LY9: variants seen among roughly 807,000 people sequenced by gnomAD.
The protein encoded by LY9 is T-lymphocyte surface antigen Ly-9.
LY9 carries 59 observed loss-of-function variants against 64.6 expected under a neutral mutation model. The ratio of observed to expected loss-of-function variants is 0.91; its 90% CI spans 0.74 to 1.13. LY9 has a LOEUF of 1.13. Ranked by LOEUF, LY9 falls within the 50% of genes most tolerant of loss-of-function variation. The pLI, the probability that LY9 is intolerant of heterozygous loss-of-function variation, is 0.00. For synonymous variants in LY9, 281 were observed against 308.5 expected (o/e 0.91, Z 0.93); for missense variants, 789 against 797.2 (o/e 0.99, Z 0.12).
At chr1:160,826,368 T>G (rs1668852905) in intron 9 of LY9, among the ~76,000 whole-genome samples, 1 of 152,084 alleles carries the variant, frequency 6.6e-6, no homozygotes, top group African/African-American at 2.4e-5. Context: ...TGATGTTTAT[T>G]GAAAAAAAAT....
intron 2 of LY9, chr1:160,812,770 T>A (rs1165568230): frequency 6.6e-6 from 1 of 152,190 alleles, no homozygotes; most frequent in Non-Finnish European, 1.5e-5. Context: ...TCAATTTTTT[T>A]TAATGTATTA....
chr1:160,814,043 T>C (rs1667738141), intron 3 of LY9, 132 bp downstream of exon 3: 3 of 924,010 alleles, frequency 3.2e-6, no homozygotes, highest in Non-Finnish European at 1.6e-6. Flanking sequence ...AAACCCCTTA[T>C]TCTCTACTCT....
chr1:160,820,392 C>A (rs75821685), intron 7 of LY9, among the ~76,000 whole-genome samples: 1,525 of 152,180 alleles, frequency 0.01, 24 homozygotes, highest in African/African-American at 0.034. Flanking sequence ...CCTGTGCTCA[C>A]TCTAACCAAA....
At chr1:160,825,399 G>T (rs974656315) in intron 9 of LY9, among the ~76,000 whole-genome samples, 4 of 152,144 alleles carry the variant, frequency 2.6e-5, no homozygotes, top group Non-Finnish European at 5.9e-5. Context: ...ATTCAAGGAA[G>T]TTAATTTTGC....
Position 160,816,665 on chromosome 1 carries a change from A to T in LY9, c.1144A>T (p.Thr382Ser). 2.5e-6 allele frequency: 4 copies of T among 1,614,108 alleles called. No homozygotes were observed. The highest frequency in any genetic ancestry group is 2.5e-6 in the Non-Finnish European group (3 of 1,179,992). Residue 382 changes from threonine (T) to serine (S), a missense_variant, in exon 5 of 10, where the codon ACC (threonine) becomes TCC (serine). Coordinates refer to ENST00000263285, the MANE Select transcript of LY9 (RefSeq NM_002348.4). ...GGATGGCATCTGCAGGATCAGCCTG[A>T]CCTGCTCCGTGGAGGACGGGGGAAA... ...SEDGICRISL[T>S]CSVEDGGNTV...
intron 2 of LY9, chr1:160,802,160 ACCGGG>A: frequency 3.9e-6 from 5 of 1,286,022 alleles, no homozygotes; most frequent in Non-Finnish European, 4.9e-6. Context: ...GCCCGCAGGA[ACCGGG>A]CTGGGCCTTG....
At chr1:160,798,199 T>C (rs887510367) in intron 1 of LY9, among the ~76,000 whole-genome samples, 1 of 152,014 alleles carries the variant, frequency 6.6e-6, no homozygotes, top group African/African-American at 2.4e-5. Context: ...GTAAGAAAAT[T>C]TGAAGTCAAA....
chr1:160,815,024 G>T (rs528297643), intron 4 of LY9: 2 of 506,010 alleles, frequency 4.0e-6, no homozygotes, highest in African/African-American at 3.8e-5. Flanking sequence ...TGCTTGCCCC[G>T]GTCCTTCTGC....
chr1:160,817,152 A>T (rs1437882800), intron 5 of LY9, among the ~76,000 whole-genome samples: 2 of 152,248 alleles, frequency 1.3e-5, no homozygotes, highest in African/African-American at 4.8e-5. Flanking sequence ...TTCATTAGAC[A>T]CTACATTTTA....
intron 2 of LY9, chr1:160,811,850 A>C (rs879334458): frequency 2.0e-5 from 3 of 152,042 alleles, no homozygotes; most frequent in Admixed American, 2.0e-4. Context: ...GCTCACCCAA[A>C]TTTTCGTTAA....
At chr1:160,814,002 A>G in intron 3 of LY9, 91 bp downstream of exon 3, 4 of 1,378,602 alleles carry the variant, frequency 2.9e-6, no homozygotes, top group South Asian at 1.4e-5. Flanking sequence ...TCAGACACAC[A>G]GGGGGTGGGG....
In LY9 at chr1:160,824,186, G is replaced by A; in HGVS notation, c.1836G>A (p.Lys612=). The A allele has an allele frequency of 6.2e-7, 1 of 1,614,056 alleles. No homozygotes were observed. Among genetic ancestry groups the A allele is most frequent in the East Asian group, 2.2e-5 (1 of 44,894 alleles). Residue 612 remains lysine, a synonymous_variant, in exon 9 of 10, where the codon AAG becomes AAA. Coordinates refer to ENST00000263285, the MANE Select transcript of LY9 (RefSeq NM_002348.4). ...CTGCTGTTGGTGTGTTACAGGGAAA[G>A]ACCCCAGTTTCTCAGAAGGAAGAGA... is the stretch of plus-strand genomic sequence containing the variant. ...MYAQVFNLQG[K]TPVSQKEESS...
intron 4 of LY9, 75 bp downstream of exon 4, chr1:160,814,836 T>G (rs1374629004): frequency 8.1e-7 from 1 of 1,228,062 alleles, no homozygotes; most frequent in South Asian, 1.4e-5. Context: ...TTCTCCACCT[T>G]CCGCTTCTCC....
intron 1 of LY9, 60 bp downstream of exon 1, chr1:160,796,371 T>G: frequency 6.4e-7 from 1 of 1,551,140 alleles, no homozygotes; most frequent in Non-Finnish European, 8.7e-7. Flanking sequence ...GCCAGTTGCA[T>G]TCCCTGCCTG....
chr1:160,816,663 T>G lies in LY9; in HGVS notation c.1142T>G (p.Leu381Arg), dbSNP rs765976039. 8.1e-6 allele frequency: 13 copies of G among 1,614,128 alleles called. No homozygotes were observed. The highest frequency in any genetic ancestry group is 1.0e-5 in the Non-Finnish European group (12 of 1,179,982). ...HSEDGICRIS[L>R]TCSVEDGGNT... ...GAGGATGGCATCTGCAGGATCAGCC[T>G]GACCTGCTCCGTGGAGGACGGGGGA... Residue 381 changes from leucine (L) to arginine (R), a missense_variant, in exon 5 of 10, where the codon CTG becomes CGG. Leu to Arg is a moderately radical substitution (Grantham distance 102). Coordinates refer to ENST00000263285, the MANE Select transcript of LY9 (RefSeq NM_002348.4).
At chr1:160,806,933 T>C (rs1488370194) in intron 2 of LY9, among the ~76,000 whole-genome samples, 1 of 152,204 alleles carries the variant, frequency 6.6e-6, no homozygotes, top group Non-Finnish European at 1.5e-5. Flanking sequence ...TTTTTATTTA[T>C]TTATTTTTTG....
Position 160,796,749 on chromosome 1 carries a change from C to T in LY9, c.124+438C>T, listed in dbSNP as rs190450924. Among the ~76,000 whole-genome samples the T allele has an allele frequency of 8.3e-4, 127 of 152,310 alleles. 1 individual carries two copies. The highest frequency in any genetic ancestry group is 7.1e-3 in the Admixed American group (109 of 15,306). ...TACTTTGCATGTGTGCATATTCGTGCACTATGAAGGGGGTAACATTCTAGC... is the reference window on the plus strand; with the variant it reads ...TACTTTGCATGTGTGCATATTCGTGTACTATGAAGGGGGTAACATTCTAGC... On this transcript the variant is annotated intron_variant, in intron 1 of 9. Transcript: ENST00000263285.
intron 7 of LY9, among the ~76,000 whole-genome samples, chr1:160,822,610 AG>A (rs1668555916): frequency 6.6e-6 from 1 of 152,224 alleles, no homozygotes; most frequent in Admixed American, 6.5e-5. Context: ...AGCCTGACCA[AG>A]GACTCCCATA....
chr1:160,809,381 A>G (rs1052753483), intron 2 of LY9, among the ~76,000 whole-genome samples: 19 of 150,888 alleles, frequency 1.3e-4, no homozygotes, highest in Non-Finnish European at 2.1e-4. Flanking sequence ...TATTACCAGT[A>G]TTTCATAGAG....
Sources: allele counts gnomAD v4.1 joint callset (sites outside exome capture counted in the v4.1 genomes callset), GRCh38; gene constraint gnomAD v4.1.1; transcripts MANE v1.5; gene names NCBI Gene and HGNC (gene_info 2026-07-23, HGNC 2026-07-21).